The following PCDHGA12 variants were observed in gnomAD, a reference collection of about 807,000 sequenced individuals.
The protein encoded by PCDHGA12 is protocadherin gamma subfamily A, 12, also known as protocadherin gamma-A12.
In PCDHGA12, 43 loss-of-function variants were observed where a neutral mutation model predicts 61.1. The observed-to-expected ratio is 0.70, with a 90% CI of 0.55 to 0.91. The LOEUF (loss-of-function observed/expected upper bound fraction) is 0.91. Ranked by LOEUF, PCDHGA12 falls within the 40% of genes least tolerant of loss-of-function variation. PCDHGA12 has a pLI of 0.00. For synonymous variants in PCDHGA12, 520 were observed against 542.9 expected, an observed-to-expected ratio of 0.96 and a Z score of 0.59; for missense variants, 1,236 against 1,227.7, an observed-to-expected ratio of 1.01 and a Z score of -0.10.
At chr5:141,457,878 C>A (rs1263626843) in intron 1 of PCDHGA12, among the ~76,000 whole-genome samples, 1 of 152,190 alleles carries the variant, frequency 6.6e-6, no homozygotes, top group East Asian at 1.9e-4. Context: ...GGTTAGGAAC[C>A]CTGTGTGGGG....
chr5:141,445,708 G>A (rs2098475030), intron 1 of PCDHGA12, among the ~76,000 whole-genome samples: 1 of 152,168 alleles, frequency 6.6e-6, no homozygotes, highest in African/African-American at 2.4e-5. Flanking sequence ...AAATTGTCAG[G>A]CAGAGGAAAT....
At position 141,431,747 on chromosome 5, in the gene PCDHGA12, C is replaced by T. The variant is rs371020840; in HGVS notation, c.988C>T (p.Arg330Ter). The T allele has an allele frequency of 5.0e-6, 8 of 1,614,064 alleles. No individual in the cohort carries two copies. In the Admixed American group the frequency reaches 5.0e-5, roughly 10 times the overall value. The change falls in exon 1 of 4, where the codon CGA (arginine) becomes TGA (stop). Residue 330 changes from arginine (R) to a stop codon, truncating the protein, a stop_gained. Transcript: ENST00000252085. LOFTEE classifies it high-confidence loss of function. This position sits in a 1 kb window ranked among gnomAD's most constrained non-coding sequence, Gnocchi z 4.8. ...QAMDNAGYSA[R>*]AKVLITVLDV... is the part of the protein sequence containing the mutation. ...AATGGATAATGCAGGATATTCTGCG[C>T]GAGCCAAAGTCCTGATCACTGTTCT...
At position 141,485,184 on chromosome 5, in the gene PCDHGA12, A is replaced by G. The variant is rs1415940980; in HGVS notation, c.2425-9623A>G. ...TAGCGGGCGGCAGCAATGCTCCGCA[A>G]GGTGAGAAGCTGGACAGAAATCTGG... On this transcript the variant is annotated intron_variant, in intron 1 of 3. Transcript: ENST00000252085. This position sits in a 1 kb window ranked among gnomAD's most constrained non-coding sequence, Gnocchi z 5.7. The G allele has an allele frequency of 6.2e-7, 1 of 1,613,152 alleles. No individual in the cohort carries two copies. The highest frequency in any genetic ancestry group is 1.3e-5 in the African/African-American group (1 of 74,938).
In PCDHGA12 at chr5:141,485,701, A is replaced by G. The variant is rs747748476; in HGVS notation, c.2425-9106A>G. The G allele has an allele frequency of 1.9e-6, 3 of 1,614,104 alleles. No homozygotes were observed. Among genetic ancestry groups the G allele is most frequent in the Non-Finnish European group, 2.5e-6 (3 of 1,180,010 alleles). On this transcript the variant is annotated intron_variant, in intron 1 of 3. Transcript: ENST00000252085. The surrounding 1 kb of genome is among the most constrained non-coding windows in gnomAD (Gnocchi z 5.7). ...GCAGCTATAGGCTGAGCTCCAATGAACACTTTGCACTGGATGTGAAGAAGC... is the reference window on the plus strand; with the variant it reads ...GCAGCTATAGGCTGAGCTCCAATGAGCACTTTGCACTGGATGTGAAGAAGC...
Position 141,491,670 on chromosome 5 carries a change from C to T in PCDHGA12, c.2425-3137C>T. The T allele has an allele frequency of 2.5e-6, 4 of 1,613,768 alleles. No individual in the cohort carries two copies. Among genetic ancestry groups the T allele is most frequent in the South Asian group, 1.1e-5 (1 of 91,082 alleles). On this transcript the variant is annotated intron_variant, in intron 1 of 3. Coordinates refer to ENST00000252085, the MANE Select transcript of PCDHGA12 (RefSeq NM_003735.3). The surrounding 1 kb of genome is among the most constrained non-coding windows in gnomAD (Gnocchi z 6.9). ...CGCTGGAGCCTGACGCCATCCGGTC[C>T]CGCTCTAATACGCTGCGGGAGCGGA...
intron 1 of PCDHGA12, chr5:141,478,153 T>G (rs1477175391): frequency 3.1e-6 from 5 of 1,613,934 alleles, no homozygotes; most frequent in Middle Eastern, 1.6e-4. Flanking sequence ...AGTTCCCCTC[T>G]GGCTCTGCCC....
At chr5:141,442,053 G>A (rs888378256) in intron 1 of PCDHGA12, 3 of 197,472 alleles carry the variant, frequency 1.5e-5, no homozygotes, top group Non-Finnish European at 3.2e-5. Flanking sequence ...ACTGGTCGCG[G>A]TGCACTGCGG....
At chr5:141,451,107 C>T (rs768308463) in intron 1 of PCDHGA12, among the ~76,000 whole-genome samples, 3 of 152,118 alleles carry the variant, frequency 2.0e-5, no homozygotes, top group Non-Finnish European at 4.4e-5. Flanking sequence ...GGATTACAGG[C>T]GTGAGCCACC....
chr5:141,460,346 ATTTTC>A (rs1049715417), intron 1 of PCDHGA12, among the ~76,000 whole-genome samples: 6 of 151,964 alleles, frequency 3.9e-5, no homozygotes, highest in Non-Finnish European at 8.8e-5. Flanking sequence ...TTTCTCCTAT[ATTTTC>A]TTTTAGAAGT....
Position 141,491,636 on chromosome 5 carries a change from C to T in PCDHGA12, c.2425-3171C>T. ...AGACCCCTCAGCGTTCAGCAGCCCA[C>T]AGCTCTGGCGCTGGAGCCTGACGCC... On this transcript the variant is annotated intron_variant, in intron 1 of 3. Coordinates refer to ENST00000252085, the MANE Select transcript of PCDHGA12 (RefSeq NM_003735.3). This position sits in a 1 kb window ranked among gnomAD's most constrained non-coding sequence, Gnocchi z 6.9. 6.2e-7 allele frequency: 1 copy of T among 1,613,922 alleles called. No homozygotes were observed. Among genetic ancestry groups the T allele is most frequent in the Non-Finnish European group, 8.5e-7 (1 of 1,180,020 alleles).
intron 1 of PCDHGA12, among the ~76,000 whole-genome samples, chr5:141,455,576 G>T (rs752051075): frequency 1.3e-5 from 2 of 152,154 alleles, no homozygotes; most frequent in Non-Finnish European, 2.9e-5. Flanking sequence ...TCCCACCCCA[G>T]CCTTTTAATA....
At chr5:141,449,588 CA>C (rs768743917) in intron 1 of PCDHGA12, among the ~76,000 whole-genome samples, 1,277 of 57,494 alleles carry the variant, frequency 0.022, 7 homozygotes, top group Middle Eastern at 0.041. Flanking sequence ...GACTCTGTCT[CA>C]AAAAAAAAAA....
At chr5:141,478,683 C>G (rs1355955377) in intron 1 of PCDHGA12, 14 of 1,551,164 alleles carry the variant, frequency 9.0e-6, no homozygotes, top group African/African-American at 1.4e-5. Flanking sequence ...CTGGCCCTTC[C>G]TAGATCAAAG....
At chr5:141,497,818 G>T (rs2099779657) in intron 2 of PCDHGA12, among the ~76,000 whole-genome samples, 1 of 152,194 alleles carries the variant, frequency 6.6e-6, no homozygotes, top group African/African-American at 2.4e-5. Context: ...AGAATTACAG[G>T]TGTGATCGCC....
rs747811019 is a variant in PCDHGA12 at position 141,490,069 on chromosome 5, C to T, written c.2425-4738C>T. 6 of 1,614,150 alleles carry T rather than the reference C, an allele frequency of 3.7e-6. No homozygotes were observed. Among genetic ancestry groups the T allele is most frequent in the Non-Finnish European group, 5.1e-6 (6 of 1,180,044 alleles). ...TCCAGACGAGGGCACCAACGGCCAA[C>T]TAGACTATTCTTTTGGAGACCACAC... On this transcript the variant is annotated intron_variant, in intron 1 of 3. Transcript: ENST00000252085. This position sits in a 1 kb window ranked among gnomAD's most constrained non-coding sequence, Gnocchi z 5.4.
Position 141,432,473 on chromosome 5 carries a change from T to G in PCDHGA12, c.1714T>G (p.Ser572Ala). Residue 572 changes from serine (S) to alanine (A), a missense_variant, in exon 1 of 4, where the codon TCC becomes GCC. Coordinates refer to ENST00000252085, the MANE Select transcript of PCDHGA12 (RefSeq NM_003735.3). The surrounding 1 kb of genome is among the most constrained non-coding windows in gnomAD (Gnocchi z 6.0). The part of the protein sequence containing the change: ...ILYPALPTDG[S>A]TGVELAPRSA... ...GTACCCCGCCCTCCCCACGGACGGT[T>G]CCACTGGCGTGGAGCTGGCTCCCCG... 1 of 1,614,180 alleles carries G rather than the reference T, an allele frequency of 6.2e-7. No individual in the cohort carries two copies. The highest frequency in any genetic ancestry group is 1.1e-5 in the South Asian group (1 of 91,078).
chr5:141,431,537 C>A lies in PCDHGA12; in HGVS notation c.778C>A (p.Gln260Lys), dbSNP rs2097391571. Residue 260 changes from glutamine (Q) to lysine (K), a missense_variant, in exon 1 of 4, where the codon CAG becomes AAG. By Grantham distance (53) the Gln-to-Lys change is moderately conservative. Transcript: ENST00000252085. This position sits in a 1 kb window ranked among gnomAD's most constrained non-coding sequence, Gnocchi z 4.8. ...SVPENLALGT[Q>K]LLVVNATDPD... is the part of the protein sequence containing the mutation. ...TCCGGAGAATCTGGCCTTGGGCACG[C>A]AGCTGCTTGTAGTCAACGCTACCGA... 6.2e-7 allele frequency: 1 copy of A among 1,614,102 alleles called. No individual in the cohort carries two copies. The highest frequency in any genetic ancestry group is 1.3e-5 in the African/African-American group (1 of 75,072).
chr5:141,491,119 G>A lies in PCDHGA12; in HGVS notation c.2425-3688G>A. 6.2e-7 allele frequency: 1 copy of A among 1,614,216 alleles called. No individual in the cohort carries two copies. The highest frequency in any genetic ancestry group is 1.1e-5 in the South Asian group (1 of 91,086). ...GTTCCTCGTGTCTACACACACTGGT[G>A]AGGTGCGCACAGCCCGGGCCTTACT... On this transcript the variant is annotated intron_variant, in intron 1 of 3. Transcript: ENST00000252085. The surrounding 1 kb of genome is among the most constrained non-coding windows in gnomAD (Gnocchi z 6.9).
chr5:141,430,824 C>T lies in PCDHGA12; in HGVS notation c.65C>T (p.Thr22Ile). ...GTCCTGCTGGGAATCCTCCTGGGGA[C>T]TCTGTGGGAGACCGGATGCACCCAG... ...GLVLLGILLG[T>I]LWETGCTQIR... The change falls in exon 1 of 4, where the codon ACT (threonine) becomes ATT (isoleucine). Residue 22 changes from threonine to isoleucine, a missense_variant. Coordinates refer to ENST00000252085, the MANE Select transcript of PCDHGA12 (RefSeq NM_003735.3). 6.5e-7 allele frequency: 1 copy of T among 1,547,704 alleles called. No homozygotes were observed. Among genetic ancestry groups the T allele is most frequent in the Non-Finnish European group, 8.7e-7 (1 of 1,151,544 alleles).
Sources: gnomAD v4.1 joint callset for allele counts (sites outside exome capture counted in the v4.1 genomes callset) on GRCh38, gnomAD v4.1.1 for gene constraint, Gnocchi (gnomAD v3.1) non-coding constraint, MANE v1.5 for transcripts, NCBI Gene and HGNC (gene_info 2026-07-23, HGNC 2026-07-21) for gene names.